The following CAMK1D variants were observed in gnomAD, a reference collection of about 807,000 sequenced individuals.
CAMK1D encodes calcium/calmodulin dependent protein kinase ID.
Under a neutral mutation model 47.7 loss-of-function variants are expected in CAMK1D, and 9 were observed. That is an observed-to-expected ratio of 0.19 (90% CI 0.11 to 0.33). The LOEUF (loss-of-function observed/expected upper bound fraction) is 0.33. CAMK1D is among the 10% of genes least tolerant of loss of function. The probability of loss-of-function intolerance (pLI) is 1.00; values close to 1 mark genes in which losing one functional copy is unlikely to be tolerated. For synonymous variants in CAMK1D, 184 were observed against 184.9 expected, an observed-to-expected ratio of 0.99 and a Z score of 0.04; for missense variants, 291 against 488.7, an observed-to-expected ratio of 0.60 and a Z score of 3.81.
At chr10:12,413,692 C>G (rs1305716389) in intron 1 of CAMK1D, among the ~76,000 whole-genome samples, 1 of 42,226 alleles carries the variant, frequency 2.4e-5, no homozygotes, top group Non-Finnish European at 4.7e-5. Context: ...TATTGAATCT[C>G]TGGATTTGGG....
intron 1 of CAMK1D, among the ~76,000 whole-genome samples, chr10:12,461,811 A>G (rs1833434330): frequency 1.3e-5 from 2 of 152,086 alleles, no homozygotes; most frequent in Admixed American, 1.3e-4. Flanking sequence ...GGTATCTCTT[A>G]GAGTAGATGC....
chr10:12,684,526 AGATGATCAATTCATGATCTAAAT>A (rs1564490386), intron 3 of CAMK1D, among the ~76,000 whole-genome samples: 1 of 152,242 alleles, frequency 6.6e-6, no homozygotes, highest in Non-Finnish European at 1.5e-5. Context: ...ATATAGTAGA[AGATGATCAATTCATGATCTAAAT>A]ACTAAAAGGC....
intron 4 of CAMK1D, 81 bp downstream of exon 4, chr10:12,761,167 G>A: frequency 6.6e-7 from 1 of 1,515,962 alleles, no homozygotes; most frequent in Non-Finnish European, 9.0e-7. Flanking sequence ...TGCCAGTGGG[G>A]GCATGCAGCT....
chr10:12,555,156 A>C (rs1264930213), intron 2 of CAMK1D, among the ~76,000 whole-genome samples: 4 of 152,230 alleles, frequency 2.6e-5, no homozygotes, highest in Non-Finnish European at 5.9e-5. Context: ...CAAGCCTTCT[A>C]GGGCCTCAAC....
chr10:12,808,149 T>A (rs1359136982), intron 6 of CAMK1D, among the ~76,000 whole-genome samples: 2 of 152,192 alleles, frequency 1.3e-5, no homozygotes, highest in Non-Finnish European at 2.9e-5. Context: ...TTCCTGCTTA[T>A]CCCCTGAGAT....
intron 3 of CAMK1D, among the ~76,000 whole-genome samples, chr10:12,751,308 T>A (rs1014936936): frequency 6.6e-6 from 1 of 152,080 alleles, no homozygotes; most frequent in Non-Finnish European, 1.5e-5. Context: ...CATGCTGGAG[T>A]GAGTGGCATG....
At chr10:12,451,361 T>C (rs1833078051) in intron 1 of CAMK1D, among the ~76,000 whole-genome samples, 1 of 152,154 alleles carries the variant, frequency 6.6e-6, no homozygotes. Flanking sequence ...AAGTCTGTTC[T>C]CTTGCCTTGG....
chr10:12,667,731 G>C (rs1012279819), intron 3 of CAMK1D, among the ~76,000 whole-genome samples: 1 of 152,182 alleles, frequency 6.6e-6, no homozygotes, highest in Admixed American at 6.5e-5. Flanking sequence ...ATTGTTGAGG[G>C]TATGGAGAAT....
At chr10:12,498,227 G>A (rs1403140703) in intron 1 of CAMK1D, among the ~76,000 whole-genome samples, 2 of 152,248 alleles carry the variant, frequency 1.3e-5, no homozygotes, top group Non-Finnish European at 2.9e-5. Flanking sequence ...AAGGAAGAAT[G>A]TGAGGGTGAT....
intron 3 of CAMK1D, among the ~76,000 whole-genome samples, chr10:12,689,965 A>G (rs1467746890): frequency 6.6e-6 from 1 of 152,210 alleles, no homozygotes; most frequent in African/African-American, 2.4e-5. Context: ...ACATTAACAT[A>G]CGGAGGGCTG....
chr10:12,614,380 A>G (rs1437365064), intron 2 of CAMK1D, among the ~76,000 whole-genome samples: 1 of 152,226 alleles, frequency 6.6e-6, no homozygotes, highest in Admixed American at 6.5e-5. Context: ...GATTGACACT[A>G]TATACACATT....
intron 3 of CAMK1D, among the ~76,000 whole-genome samples, chr10:12,674,076 G>A (rs773101460): frequency 3.9e-5 from 6 of 152,098 alleles, no homozygotes; most frequent in Non-Finnish European, 1.5e-5. Flanking sequence ...ATCCTGAGTA[G>A]CTGGGACTGC....
chr10:12,636,615 A>G lies in CAMK1D; in HGVS notation c.225-30121A>G, dbSNP rs182706631. On this transcript the variant is annotated intron_variant, in intron 2 of 10. Coordinates refer to ENST00000619168, the MANE Select transcript of CAMK1D (RefSeq NM_153498.4). ...AGTGCTGGGATTGTAGGCCTGAGCCACTGTGCCTGGCCTTATATGCAGTTT... is the reference window on the plus strand; with the variant it reads ...AGTGCTGGGATTGTAGGCCTGAGCCGCTGTGCCTGGCCTTATATGCAGTTT... Among the ~76,000 whole-genome samples the G allele has an allele frequency of 1.1e-3, 171 of 152,304 alleles. 1 individual carries two copies. The highest frequency in any genetic ancestry group is 3.9e-3 in the African/African-American group (161 of 41,588).
intron 1 of CAMK1D, among the ~76,000 whole-genome samples, chr10:12,460,451 T>C (rs900458327): frequency 1.3e-5 from 2 of 152,018 alleles, no homozygotes; most frequent in Non-Finnish European, 2.9e-5. Flanking sequence ...ATTTATTTTT[T>C]TGAAATAGTC....
In CAMK1D at chr10:12,382,781, C is replaced by T. The variant is rs570932096; in HGVS notation, c.92+32871C>T. ...CGGAGGTTGCAGTGAGCTGAGATCG[C>T]GCCACTGCACTCCAGCCTGGGCAAC... On this transcript the variant is annotated intron_variant, in intron 1 of 10. Coordinates refer to ENST00000619168, the MANE Select transcript of CAMK1D (RefSeq NM_153498.4). Among the ~76,000 whole-genome samples, 85 of 152,148 alleles carry T rather than the reference C, an allele frequency of 5.6e-4. 1 individual carries two copies. Among genetic ancestry groups the T allele is most frequent in the Middle Eastern group, 3.4e-3 (1 of 294 alleles).
rs1833446169 is a variant in CAMK1D at position 12,833,152 on chromosome 10, T to A, written c.*4265T>A. Reference sequence around the variant, plus strand: ...CAAGGCTGGGCTCATAGGAAATATCTGTAGTAGGATGAAAGGAATCTGGCC... The same window carrying A: ...CAAGGCTGGGCTCATAGGAAATATCAGTAGTAGGATGAAAGGAATCTGGCC... On this transcript the variant is annotated 3_prime_UTR_variant, in exon 11 of 11. Transcript: ENST00000619168. 1 of 152,412 alleles carries A rather than the reference T, an allele frequency of 6.6e-6. No individual in the cohort carries two copies. The highest frequency in any genetic ancestry group is 2.4e-5 in the African/African-American group (1 of 41,458). 9.4% of individuals were successfully genotyped at this position (152,412 alleles called of 1,614,324 possible).
At position 12,557,365 on chromosome 10, in the gene CAMK1D, C is replaced by T. The variant is rs539575949; in HGVS notation, c.224+4009C>T. On this transcript the variant is annotated intron_variant, in intron 2 of 10. Coordinates refer to ENST00000619168, the MANE Select transcript of CAMK1D (RefSeq NM_153498.4). ...GAGATCGAGACAATCCTGGCTAATA[C>T]GGTGAAACCCCGTCTCTACTAAAAA... 7.2e-5 allele frequency among the ~76,000 whole-genome samples: 11 copies of T among 151,912 alleles called. No homozygotes were observed. The East Asian group carries it at 7.8e-4, about 11-fold the overall frequency.
At chr10:12,540,984 CA>C (rs1238856942) in intron 1 of CAMK1D, among the ~76,000 whole-genome samples, 11 of 146,304 alleles carry the variant, frequency 7.5e-5, no homozygotes, top group Non-Finnish European at 1.6e-4. Context: ...TTAGCATAAA[CA>C]AATGTATGGC....
At chr10:12,401,592 A>G (rs1395671516) in intron 1 of CAMK1D, among the ~76,000 whole-genome samples, 2 of 151,382 alleles carry the variant, frequency 1.3e-5, no homozygotes, top group Non-Finnish European at 2.9e-5. Flanking sequence ...GCTGGCAGAT[A>G]GGGAGGCTCC....
Sources: gnomAD v4.1 joint callset for allele counts (sites outside exome capture counted in the v4.1 genomes callset) on GRCh38, gnomAD v4.1.1 for gene constraint, MANE v1.5 for transcripts, NCBI Gene and HGNC (gene_info 2026-07-23, HGNC 2026-07-21) for gene names.